Variants in KIF26B observed in about 807,000 individuals in gnomAD.
KIF26B encodes the protein kinesin-like protein KIF26B.
KIF26B carries 63 observed loss-of-function variants against 151.2 expected under a neutral mutation model. That is an observed-to-expected ratio of 0.42 (90% CI 0.34 to 0.51). The LOEUF (loss-of-function observed/expected upper bound fraction) is 0.51, where lower values mean the gene tolerates loss of function less well. Among genes scored for constraint, KIF26B ranks in the 20% least tolerant of loss-of-function variants. The pLI, the probability that KIF26B is intolerant of heterozygous loss-of-function variation, is 0.07. For synonymous variants in KIF26B, 1,357 were observed against 1,262.1 expected (o/e 1.08, Z -1.59); for missense variants, 2,813 against 2,913.6 (o/e 0.97, Z 0.79).
intron 2 of KIF26B, among the ~76,000 whole-genome samples, chr1:245,210,161 T>C (rs950521535): frequency 2.6e-5 from 4 of 152,216 alleles, no homozygotes; most frequent in African/African-American, 9.6e-5. Flanking sequence ...CCTCACAGCA[T>C]GACTCTCTCC....
At chr1:245,536,718 A>C (rs1661493892) in intron 4 of KIF26B, among the ~76,000 whole-genome samples, 2 of 152,176 alleles carry the variant, frequency 1.3e-5, no homozygotes, top group African/African-American at 4.8e-5. Context: ...CAGGCAGAAG[A>C]CTTGAAGGAT....
At chr1:245,324,992 G>A (rs1367071928) in intron 2 of KIF26B, among the ~76,000 whole-genome samples, 1 of 151,518 alleles carries the variant, frequency 6.6e-6, no homozygotes, top group Non-Finnish European at 1.5e-5. Flanking sequence ...CTACTCAGGA[G>A]GCTGAGGCAG....
intron 2 of KIF26B, among the ~76,000 whole-genome samples, chr1:245,253,543 T>G (rs1378505548): frequency 6.6e-6 from 1 of 152,050 alleles, no homozygotes; most frequent in African/African-American, 2.4e-5. Context: ...GATACTAGCT[T>G]TAGGAAATAA....
At chr1:245,205,807 A>T (rs1247110280) in intron 2 of KIF26B, among the ~76,000 whole-genome samples, 1 of 150,856 alleles carries the variant, frequency 6.6e-6, no homozygotes, top group Non-Finnish European at 1.5e-5. Flanking sequence ...TTCTGGGCTC[A>T]AGTGACCCTC....
At chr1:245,640,143 C>CTCTCTCTCTATATATA in intron 9 of KIF26B, among the ~76,000 whole-genome samples, 2 of 31,936 alleles carry the variant, frequency 6.3e-5, no homozygotes, top group African/African-American at 2.8e-4. Flanking sequence ...CTCTCTCTCT[C>CTCTCTCTCTATATATA]TATATATATA....
chr1:245,658,325 C>T (rs1020081175), intron 10 of KIF26B, among the ~76,000 whole-genome samples: 1 of 152,124 alleles, frequency 6.6e-6, no homozygotes, highest in African/African-American at 2.4e-5. Flanking sequence ...TGAAGTTAAT[C>T]GAACCTATTT....
intron 4 of KIF26B, among the ~76,000 whole-genome samples, chr1:245,510,715 C>G (rs1236348516): frequency 7.7e-6 from 1 of 130,344 alleles, no homozygotes; most frequent in Non-Finnish European, 1.6e-5. Context: ...CAGAGTGAAA[C>G]TGGTGCAGCT....
intron 2 of KIF26B, among the ~76,000 whole-genome samples, chr1:245,173,147 A>T (rs575505864): frequency 6.6e-6 from 1 of 152,344 alleles, no homozygotes; most frequent in Non-Finnish European, 1.5e-5. Context: ...TAAGCCAGTC[A>T]CAAAGACAAA....
rs549815881 is a variant in KIF26B at position 245,466,936 on chromosome 1, C to G, written c.1166+47191C>G. 7.2e-5 allele frequency among the ~76,000 whole-genome samples: 11 copies of G among 152,226 alleles called. 1 individual carries two copies. The highest frequency in any genetic ancestry group is 2.6e-4 in the African/African-American group (11 of 41,554). On this transcript the variant is annotated intron_variant, in intron 4 of 14. Transcript: ENST00000407071. Reference sequence around the variant, plus strand: ...CTCCATCTCAAAAAGAAAGACAAACCAACAAAAAGAAAAACACAAAAACTT... The same window carrying G: ...CTCCATCTCAAAAAGAAAGACAAACGAACAAAAAGAAAAACACAAAAACTT...
intron 2 of KIF26B, among the ~76,000 whole-genome samples, chr1:245,327,276 T>C (rs1367204894): frequency 1.3e-5 from 2 of 152,200 alleles, no homozygotes; most frequent in African/African-American, 4.8e-5. Flanking sequence ...CCCTTACTTA[T>C]GCCCTATATG....
At position 245,564,148 on chromosome 1, in the gene KIF26B, C is replaced by T. The variant is rs568977933; in HGVS notation, c.1350+23198C>T. 1.3e-5 allele frequency among the ~76,000 whole-genome samples: 2 copies of T among 152,294 alleles called. No individual in the cohort carries two copies. The highest frequency in any genetic ancestry group is 3.9e-4 in the East Asian group (2 of 5,168). On this transcript the variant is annotated intron_variant, in intron 5 of 14. Transcript: ENST00000407071. The surrounding 1 kb of genome is among the most constrained non-coding windows in gnomAD (Gnocchi z 4.6). ...TGTCACCTCCCCTGTGTTGCAGCCA[C>T]ACTGAAGCCTCAATGTCCCCTAAAC...
At chr1:245,578,970 GA>G (rs2043150013) in intron 5 of KIF26B, among the ~76,000 whole-genome samples, 2 of 152,186 alleles carry the variant, frequency 1.3e-5, no homozygotes, top group Non-Finnish European at 2.9e-5. Context: ...TGAACTGAGA[GA>G]AAATAGTTTC....
At chr1:245,679,793 T>C (rs2044408530) in intron 10 of KIF26B, among the ~76,000 whole-genome samples, 1 of 152,072 alleles carries the variant, frequency 6.6e-6, no homozygotes, top group Admixed American at 6.6e-5. Flanking sequence ...AAGGCAAGTG[T>C]GGTCAGTGTA....
chr1:245,496,133 G>A lies in KIF26B; in HGVS notation c.1167-44634G>A, dbSNP rs537106625. Among the ~76,000 whole-genome samples the A allele has an allele frequency of 8.5e-5, 13 of 152,284 alleles. No homozygotes were observed. The South Asian group carries it at 2.3e-3, about 27-fold the overall frequency. ...AGGAAGGAATGAAAGCTGACAGAAA[G>A]GGTCAACATGTGGTTAAGTTCAAAT... is the stretch of plus-strand genomic sequence containing the variant. On this transcript the variant is annotated intron_variant, in intron 4 of 14. Transcript: ENST00000407071.
Position 245,156,471 on chromosome 1 carries a change from C to G in KIF26B, c.253C>G (p.Pro85Ala). 6.6e-7 allele frequency: 1 copy of G among 1,526,448 alleles called. No individual in the cohort carries two copies. Among genetic ancestry groups the G allele is most frequent in the Non-Finnish European group, 8.8e-7 (1 of 1,140,612 alleles). The allele number at this position is 1,526,448 out of a possible 1,614,324, so 94.6% of individuals were successfully genotyped here. A position where few individuals can be genotyped will look rare whatever the true frequency, so the allele number is the denominator to read the frequency against. Reference sequence around the variant, plus strand: ...GTCCCCGAGCTCGTTCACCGGCTCCCCGGGACCCGCCTCCCCCGGCATCGG... The same window carrying G: ...GTCCCCGAGCTCGTTCACCGGCTCCGCGGGACCCGCCTCCCCCGGCATCGG... ...TSSPSSFTGS[P>A]GPASPGIGTS... The change falls in exon 2 of 15, where the codon CCG becomes GCG. Residue 85 changes from proline to alanine, a missense_variant. This residue lies in a region of KIF26B where 676 missense variants were observed against 688.1 expected (regional missense o/e 0.98). Transcript: ENST00000407071.
chr1:245,462,166 T>C (rs1181724619), intron 4 of KIF26B, among the ~76,000 whole-genome samples: 3 of 151,824 alleles, frequency 2.0e-5, no homozygotes, highest in African/African-American at 7.3e-5. Flanking sequence ...GAAGAAGAAA[T>C]GTAAGTTTAG....
At chr1:245,508,189 CCATTCATT>C (rs201663658) in intron 4 of KIF26B, among the ~76,000 whole-genome samples, 4 of 152,178 alleles carry the variant, frequency 2.6e-5, no homozygotes, top group African/African-American at 4.8e-5. Flanking sequence ...CTTCACCATT[CCATTCATT>C]CATTCATTCA....
At chr1:245,266,652 G>A (rs751952699) in intron 2 of KIF26B, among the ~76,000 whole-genome samples, 7 of 151,964 alleles carry the variant, frequency 4.6e-5, no homozygotes, top group African/African-American at 9.7e-5. Context: ...GACTACAGGC[G>A]CCTACCACCA....
intron 5 of KIF26B, among the ~76,000 whole-genome samples, chr1:245,544,649 G>A (rs1661697467): frequency 6.6e-6 from 1 of 152,176 alleles, no homozygotes; most frequent in Non-Finnish European, 1.5e-5. Flanking sequence ...TGTATCACTG[G>A]CTGTCACTAG....
Sources: allele counts gnomAD v4.1 joint callset (sites outside exome capture counted in the v4.1 genomes callset), GRCh38; gene constraint gnomAD v4.1.1; regional missense constraint gnomAD v4.1.1; non-coding constraint Gnocchi (gnomAD v3.1); transcripts MANE v1.5; gene names NCBI Gene and HGNC (gene_info 2026-07-23, HGNC 2026-07-21).